FHIT: variants seen among roughly 807,000 people sequenced by gnomAD.
FHIT encodes the protein fragile histidine triad diadenosine triphosphatase, also known as bis(5'-adenosyl)-triphosphatase.
A neutral mutation model predicts 17.9 loss-of-function variants in FHIT; 19 were observed. That is an observed-to-expected ratio of 1.06 (90% CI 0.74 to 1.56). The LOEUF (loss-of-function observed/expected upper bound fraction) is 1.56. Ranked by LOEUF, FHIT falls within the 40% of genes most tolerant of loss-of-function variation. The pLI is 0.00. For missense variants in FHIT, 248 were observed against 189.2 expected (o/e 1.31, Z -1.82); for synonymous variants, 81 against 69.7 (o/e 1.16, Z -0.81).
intron 5 of FHIT, among the ~76,000 whole-genome samples, chr3:60,331,717 A>G (rs1399409427): frequency 6.6e-6 from 1 of 151,962 alleles, no homozygotes; most frequent in East Asian, 1.9e-4. Flanking sequence ...GTGGTGGCGC[A>G]TGCCTGTAAT....
At chr3:59,918,484 C>T (rs1303781343) in intron 8 of FHIT, among the ~76,000 whole-genome samples, 2 of 148,776 alleles carry the variant, frequency 1.3e-5, no homozygotes, top group African/African-American at 4.9e-5. Flanking sequence ...AGGTTCTGCA[C>T]ATGTATCCCA....
intron 3 of FHIT, among the ~76,000 whole-genome samples, chr3:60,932,613 T>C (rs186056589): frequency 4.6e-5 from 7 of 152,308 alleles, no homozygotes; most frequent in South Asian, 2.1e-4. Context: ...TGGCCCTTTT[T>C]CCCTAATTCC....
intron 8 of FHIT, among the ~76,000 whole-genome samples, chr3:59,782,294 T>C (rs962663789): frequency 2.0e-5 from 3 of 152,190 alleles, no homozygotes; most frequent in Non-Finnish European, 4.4e-5. Context: ...CCTTGAATTT[T>C]GGATTTTGTA....
chr3:59,881,983 G>C (rs1479296518), intron 8 of FHIT, among the ~76,000 whole-genome samples: 7 of 152,038 alleles, frequency 4.6e-5, no homozygotes, highest in Non-Finnish European at 1.0e-4. Context: ...GAGGTGCTTT[G>C]GAATTATTCA....
rs536561934 is a variant in FHIT, at chr3:60,730,564, C to T, written c.-18+91355G>A. ...TCACTTAAGCATTCTTCAGCATGTG[C>T]GTGGATGCTGATGAAATAGCCCAAG... On this transcript the variant is annotated intron_variant, in intron 4 of 9. Coordinates refer to ENST00000492590, the MANE Select transcript of FHIT (RefSeq NM_002012.4). 2.6e-4 allele frequency: 42 copies of T among 161,174 alleles called. 1 individual carries two copies. The South Asian group carries it at 4.6e-3, about 18-fold the overall frequency. 10.0% of individuals were successfully genotyped at this position (161,174 alleles called of 1,614,324 possible).
intron 4 of FHIT, among the ~76,000 whole-genome samples, chr3:60,778,016 T>A (rs1553724881): frequency 2.0e-5 from 3 of 152,330 alleles, no homozygotes; most frequent in East Asian, 1.9e-4. Flanking sequence ...GGGCCCCCGA[T>A]GTGTCCAGAA....
rs1371002755 is a variant in FHIT at position 60,195,555 on chromosome 3, A to ATATATT, written c.104-181409_104-181404dup. Among the ~76,000 whole-genome samples, 37 of 141,562 alleles carry ATATATT rather than the reference A, an allele frequency of 2.6e-4. 2 individuals are homozygous for ATATATT. Among genetic ancestry groups the ATATATT allele is most frequent in the Non-Finnish European group, 4.3e-4 (28 of 65,658 alleles). 92.9% of individuals were successfully genotyped at this position (141,562 alleles called of 152,430 possible). On this transcript the variant is annotated intron_variant, in intron 5 of 9. Coordinates refer to ENST00000492590, the MANE Select transcript of FHIT (RefSeq NM_002012.4). ...CGGATAAGGAAAATGTGATATATAT[A>ATATATT]TATATTTATATTTATATAATTATAT...
In FHIT at chr3:60,493,258, C is replaced by T. The variant is rs182629532; in HGVS notation, c.103+43602G>A. Among the ~76,000 whole-genome samples, 682 of 152,254 alleles carry T rather than the reference C, an allele frequency of 4.5e-3. 4 individuals carry two copies. The highest frequency in any genetic ancestry group is 0.015 in the African/African-American group (638 of 41,554). ...TGACGTGAGTTTTAAGTTTAAAATA[C>T]AGACTTTCAACAATGCTTAAATCTG... On this transcript the variant is annotated intron_variant, in intron 5 of 9. Coordinates refer to ENST00000492590, the MANE Select transcript of FHIT (RefSeq NM_002012.4).
intron 4 of FHIT, among the ~76,000 whole-genome samples, chr3:60,655,974 C>G (rs1291283806): frequency 6.6e-6 from 1 of 152,172 alleles, no homozygotes; most frequent in African/African-American, 2.4e-5. Flanking sequence ...TTAGAACAGC[C>G]TGGGTAAACT....
chr3:60,164,601 T>C (rs1416852794), intron 5 of FHIT, among the ~76,000 whole-genome samples: 2 of 139,534 alleles, frequency 1.4e-5, no homozygotes, highest in Non-Finnish European at 3.1e-5. Flanking sequence ...TTATTGAAAG[T>C]AATTGGTCAA....
chr3:60,198,019 T>C (rs1291681843), intron 5 of FHIT, among the ~76,000 whole-genome samples: 1 of 152,174 alleles, frequency 6.6e-6, no homozygotes, highest in Non-Finnish European at 1.5e-5. Flanking sequence ...ATAAAACAAA[T>C]GCATATGCCT....
Position 60,798,873 on chromosome 3 carries a change from T to C in FHIT, c.-18+23046A>G, listed in dbSNP as rs114324998. Among the ~76,000 whole-genome samples, 1,224 of 149,904 alleles carry C rather than the reference T, an allele frequency of 8.2e-3. 17 individuals are homozygous for C. The highest frequency in any genetic ancestry group is 0.025 in the East Asian group (124 of 4,932). ...CCCAGGTTCAAGTGATTCTTGTGCA[T>C]CAGCCTCCCAAGTAGCTGGGATCAC... On this transcript the variant is annotated intron_variant, in intron 4 of 9. Coordinates refer to ENST00000492590, the MANE Select transcript of FHIT (RefSeq NM_002012.4).
intron 8 of FHIT, among the ~76,000 whole-genome samples, chr3:59,910,659 G>T (rs1463772292): frequency 6.6e-6 from 1 of 151,994 alleles, no homozygotes; most frequent in South Asian, 2.1e-4. Flanking sequence ...AAAAATAGGG[G>T]GAGGAAGGAA....
chr3:60,387,814 A>G (rs1701070157), intron 5 of FHIT, among the ~76,000 whole-genome samples: 1 of 152,118 alleles, frequency 6.6e-6, no homozygotes, highest in Non-Finnish European at 1.5e-5. Flanking sequence ...GCTGAGTCTC[A>G]TGTTGAAATC....
chr3:60,240,639 G>A (rs1214320820), intron 5 of FHIT, among the ~76,000 whole-genome samples: 2 of 152,160 alleles, frequency 1.3e-5, no homozygotes, highest in African/African-American at 4.8e-5. Flanking sequence ...CAAAGAAAGA[G>A]AAGGAAGAGG....
intron 8 of FHIT, among the ~76,000 whole-genome samples, chr3:59,819,821 G>C (rs1333128120): frequency 6.6e-6 from 1 of 152,220 alleles, no homozygotes; most frequent in African/African-American, 2.4e-5. Flanking sequence ...ATTAAGAGGA[G>C]CCTTTGGGGA....
At chr3:60,842,637 A>T (rs1553558611) in intron 3 of FHIT, among the ~76,000 whole-genome samples, 205 of 35,938 alleles carry the variant, frequency 5.7e-3, no homozygotes, top group African/African-American at 0.012. Flanking sequence ...GTGTATATAT[A>T]TATATATATT....
intron 4 of FHIT, among the ~76,000 whole-genome samples, chr3:60,749,206 C>A (rs1253950753): frequency 6.6e-5 from 10 of 152,180 alleles, no homozygotes; most frequent in Non-Finnish European, 4.4e-5. Flanking sequence ...TATATTGAGT[C>A]TCCTTCCTAG....
chr3:60,147,838 G>A lies in FHIT; in HGVS notation c.104-133686C>T, dbSNP rs151326749. ...GGTGCAGTTGTCGAACGACCTCGGG[G>A]AAACAAGTCTAGGCCTATTTGTGCA... On this transcript the variant is annotated intron_variant, in intron 5 of 9. Transcript: ENST00000492590. Among the ~76,000 whole-genome samples, 378 of 152,244 alleles carry A rather than the reference G, an allele frequency of 2.5e-3. 2 individuals carry two copies. Among genetic ancestry groups the A allele is most frequent in the African/African-American group, 8.7e-3 (360 of 41,550 alleles).
Sources: gnomAD v4.1 joint callset for allele counts (sites outside exome capture counted in the v4.1 genomes callset) on GRCh38, gnomAD v4.1.1 for gene constraint, MANE v1.5 for transcripts, NCBI Gene and HGNC (gene_info 2026-07-23, HGNC 2026-07-21) for gene names.